PPARGC1A: variants seen among roughly 807,000 people sequenced by gnomAD.
PPARGC1A encodes the protein PPARG coactivator 1 alpha.
In PPARGC1A, 25 loss-of-function variants were observed where a neutral mutation model predicts 88.7. That is an observed-to-expected ratio of 0.28 (90% CI 0.21 to 0.39). PPARGC1A has a LOEUF of 0.39. Among genes scored for constraint, PPARGC1A ranks in the 10% least tolerant of loss-of-function variants. The pLI, the probability that PPARGC1A is intolerant of heterozygous loss-of-function variation, is 1.00. For synonymous variants in PPARGC1A, 363 were observed against 355.6 expected (o/e 1.02, Z -0.24); for missense variants, 880 against 968.7 (o/e 0.91, Z 1.22).
chr4:23,842,262 G>T (rs551978112), intron 2 of PPARGC1A, among the ~76,000 whole-genome samples: 1 of 152,222 alleles, frequency 6.6e-6, no homozygotes, highest in South Asian at 2.1e-4. Flanking sequence ...ATTGCTGGCT[G>T]GCCCAGTGTT....
the PPARGC1A span, among the ~76,000 whole-genome samples, chr4:24,444,894 G>C: frequency 3.3e-5 from 5 of 151,998 alleles, no homozygotes. Flanking sequence ...CTCTAGAAAA[G>C]TTGTAAAAAT....
At position 23,842,882 on chromosome 4, in the gene PPARGC1A, T is replaced by C. The variant is rs1008168555; in HGVS notation, c.235-11131A>G. On this transcript the variant is annotated intron_variant, in intron 2 of 12. Coordinates refer to ENST00000264867, the MANE Select transcript of PPARGC1A (RefSeq NM_013261.5). The stretch of plus-strand genomic sequence containing the variant: ...AAGTTGAAATGTATGATTCCATCTA[T>C]GCTAGATTTATTCTCTCTAACACAT... 4.6e-5 allele frequency among the ~76,000 whole-genome samples: 7 copies of C among 152,274 alleles called. No homozygotes were observed. The East Asian group carries it at 9.7e-4, about 21-fold the overall frequency.
the PPARGC1A span, among the ~76,000 whole-genome samples, chr4:24,158,095 C>A: frequency 2.7e-5 from 4 of 148,758 alleles, no homozygotes; most frequent in Non-Finnish European, 5.9e-5. Flanking sequence ...CACTCTCCAA[C>A]CCTTTTTGTT....
chr4:23,898,137 A>G (rs1165214006), intron 1 of PPARGC1A, among the ~76,000 whole-genome samples: 3 of 152,228 alleles, frequency 2.0e-5, no homozygotes, highest in African/African-American at 7.2e-5. Context: ...AGCTCATTAT[A>G]TTTGGTAAAA....
chr4:24,041,079 C>G, the PPARGC1A span, among the ~76,000 whole-genome samples: 1 of 152,186 alleles, frequency 6.6e-6, no homozygotes, highest in Non-Finnish European at 1.5e-5. Context: ...AACATGCTAG[C>G]TAGGTTTCCC....
the PPARGC1A span, among the ~76,000 whole-genome samples, chr4:24,066,849 G>GTTTTTT: frequency 5.0e-5 from 5 of 100,868 alleles, no homozygotes; most frequent in African/African-American, 1.2e-4. Flanking sequence ...TTTGTTTTGG[G>GTTTTTT]TTTTTTTTTT....
At chr4:24,063,070 T>G in the PPARGC1A span, among the ~76,000 whole-genome samples, 4 of 152,180 alleles carry the variant, frequency 2.6e-5, no homozygotes, top group South Asian at 4.1e-4. Context: ...TTTTCCAGAC[T>G]GAGAGTCTTT....
the PPARGC1A span, among the ~76,000 whole-genome samples, chr4:24,129,670 A>C: frequency 3.9e-5 from 6 of 152,346 alleles, no homozygotes; most frequent in African/African-American, 1.2e-4. Context: ...ATTATAAATC[A>C]TGCTGCTATA....
At chr4:23,972,172 G>A in the PPARGC1A span, among the ~76,000 whole-genome samples, 1 of 152,180 alleles carries the variant, frequency 6.6e-6, no homozygotes, top group African/African-American at 2.4e-5. Context: ...AAACATCAGA[G>A]GTGGTGCTTA....
Position 23,829,513 on chromosome 4 carries a change from T to G in PPARGC1A, c.502A>C (p.Asn168His), listed in dbSNP as rs1271029444. The G allele has an allele frequency of 6.2e-7, 1 of 1,613,856 alleles. No individual in the cohort carries two copies. Among genetic ancestry groups the G allele is most frequent in the African/African-American group, 1.3e-5 (1 of 75,066 alleles). The part of the protein sequence containing the change: ...YNECSGLSTQ[N>H]HANHNHRIRT... ...ATCCTGTGATTGTGATTTGCATGGT[T>G]CTGGGTACTGAGACCACTGCATTCA... The change falls in exon 4 of 13, where the codon AAC (asparagine) becomes CAC (histidine). Residue 168 changes from asparagine (N) to histidine (H), a missense_variant. Physicochemically the swap from Asn to His is moderately conservative, Grantham distance 68. Coordinates refer to ENST00000264867, the MANE Select transcript of PPARGC1A (RefSeq NM_013261.5).
chr4:24,274,018 A>G, the PPARGC1A span, among the ~76,000 whole-genome samples: 2 of 151,582 alleles, frequency 1.3e-5, no homozygotes, highest in African/African-American at 4.8e-5. Flanking sequence ...GGATTACAGG[A>G]GTGAGCCACC....
the PPARGC1A span, among the ~76,000 whole-genome samples, chr4:24,463,786 A>G: frequency 1.4e-4 from 21 of 151,932 alleles, no homozygotes; most frequent in African/African-American, 2.4e-4. Context: ...TGGGAGTGGG[A>G]AAAAAAAGTC....
At chr4:23,978,930 A>G in the PPARGC1A span, among the ~76,000 whole-genome samples, 24 of 152,334 alleles carry the variant, frequency 1.6e-4, no homozygotes, top group African/African-American at 5.8e-4. Flanking sequence ...TAATCCAAAC[A>G]CATGGCTCAC....
chr4:24,454,750 A>AAG, the PPARGC1A span, among the ~76,000 whole-genome samples: 2 of 151,866 alleles, frequency 1.3e-5, no homozygotes, highest in African/African-American at 4.8e-5. Flanking sequence ...AAAAAAAAAA[A>AAG]TCTGTATTTG....
At chr4:24,207,953 T>C in the PPARGC1A span, among the ~76,000 whole-genome samples, 4 of 152,130 alleles carry the variant, frequency 2.6e-5, no homozygotes, top group Admixed American at 2.6e-4. Context: ...AGATAAAATT[T>C]TGAAGAATTC....
chr4:24,094,075 T>C, the PPARGC1A span, among the ~76,000 whole-genome samples: 1 of 152,150 alleles, frequency 6.6e-6, no homozygotes, highest in Non-Finnish European at 1.5e-5. Flanking sequence ...GGCACTTGAT[T>C]CTCAGCCCGC....
chr4:23,954,761 G>T, the PPARGC1A span, among the ~76,000 whole-genome samples: 1 of 151,934 alleles, frequency 6.6e-6, no homozygotes, highest in Non-Finnish European at 1.5e-5. Context: ...ATTATAACTT[G>T]CTGGATATCT....
chr4:23,801,032 T>G lies in PPARGC1A; in HGVS notation c.2293+698A>C, dbSNP rs761477003. ...GTATATGAAATTTAATTTTCTTCTC[T>G]CTTAGTTGTAGTTCATAGAAAATGA... On this transcript the variant is annotated intron_variant, in intron 12 of 12. Transcript: ENST00000264867. 4.0e-5 allele frequency among the ~76,000 whole-genome samples: 6 copies of G among 150,782 alleles called. No homozygotes were observed. In the South Asian group the frequency reaches 8.3e-4, roughly 21 times the overall value.
At chr4:23,931,173 C>G in the PPARGC1A span, among the ~76,000 whole-genome samples, 1 of 152,158 alleles carries the variant, frequency 6.6e-6, no homozygotes, top group African/African-American at 2.4e-5. Context: ...CTGGGACTCC[C>G]TGTCCCCTCC....
Sources: gnomAD v4.1 joint callset for allele counts (sites outside exome capture counted in the v4.1 genomes callset) on GRCh38, gnomAD v4.1.1 for gene constraint, MANE v1.5 for transcripts, NCBI Gene and HGNC (gene_info 2026-07-23, HGNC 2026-07-21) for gene names.